Variants in EML5 observed in about 807,000 individuals in gnomAD.
The protein encoded by EML5 is echinoderm microtubule-associated protein-like 5.
A neutral mutation model predicts 250.0 loss-of-function variants in EML5; 120 were observed. The ratio of observed to expected loss-of-function variants is 0.48; its 90% CI spans 0.41 to 0.56. The LOEUF is 0.56. Among genes scored for constraint, EML5 ranks in the 20% least tolerant of loss-of-function variants. The probability of loss-of-function intolerance (pLI) is 0.00; values close to 1 mark genes in which losing one functional copy is unlikely to be tolerated. For synonymous variants in EML5, 771 were observed against 806.5 expected, an observed-to-expected ratio of 0.96 and a Z score of 0.75; for missense variants, 2,006 against 2,437.6, an observed-to-expected ratio of 0.82 and a Z score of 3.73.
At chr14:88,774,978 C>T (rs1052214462) in intron 1 of EML5, among the ~76,000 whole-genome samples, 3 of 152,148 alleles carry the variant, frequency 2.0e-5, no homozygotes, top group African/African-American at 7.2e-5. Flanking sequence ...TGTTTCAGGC[C>T]CTAGCTACCA....
intron 21 of EML5, among the ~76,000 whole-genome samples, chr14:88,671,484 C>T (rs1269642374): frequency 6.6e-6 from 1 of 152,148 alleles, no homozygotes; most frequent in African/African-American, 2.4e-5. Context: ...TACTACGAAG[C>T]AACTACATTA....
At chr14:88,765,455 C>T (rs989944565) in intron 1 of EML5, among the ~76,000 whole-genome samples, 7 of 152,176 alleles carry the variant, frequency 4.6e-5, no homozygotes, top group Non-Finnish European at 1.0e-4. Flanking sequence ...TTCCAATCAG[C>T]AACGGCACAT....
At chr14:88,736,267 G>C in intron 7 of EML5, 97 bp downstream of exon 7, 1 of 1,390,748 alleles carries the variant, frequency 7.2e-7, no homozygotes, top group Non-Finnish European at 1.0e-6. Flanking sequence ...CCAAAGTGCT[G>C]GGATTACGGG....
At chr14:88,734,280 A>C (rs1227676301) in intron 7 of EML5, among the ~76,000 whole-genome samples, 1 of 152,138 alleles carries the variant, frequency 6.6e-6, no homozygotes, top group Non-Finnish European at 1.5e-5. Context: ...ATGAGAAGAA[A>C]TTCTCTTTAT....
intron 18 of EML5, 23 bp downstream of exon 18, chr14:88,688,248 T>C: frequency 6.2e-7 from 1 of 1,613,210 alleles, no homozygotes; most frequent in African/African-American, 1.3e-5. Context: ...TTGTTTAATT[T>C]AAAATCTCTT....
intron 1 of EML5, among the ~76,000 whole-genome samples, chr14:88,778,737 C>T (rs2094470199): frequency 6.6e-6 from 1 of 152,214 alleles, no homozygotes; most frequent in Non-Finnish European, 1.5e-5. Context: ...CAAGAATGCG[C>T]CACTGCACTC....
chr14:88,769,951 A>G (rs2094370162), intron 1 of EML5, among the ~76,000 whole-genome samples: 1 of 151,178 alleles, frequency 6.6e-6, no homozygotes, highest in Non-Finnish European at 1.5e-5. Flanking sequence ...TAACTAGATT[A>G]CAGCATTATG....
intron 10 of EML5, 74 bp downstream of exon 10, chr14:88,712,197 A>T (rs1327040436): frequency 1.2e-5 from 12 of 1,028,762 alleles, no homozygotes; most frequent in Non-Finnish European, 1.7e-5. Flanking sequence ...CTTTATCTCA[A>T]GACTAATTTT....
At chr14:88,792,946 GCGAGCCGAGCCGAGC>G (rs760126982) in exon 1 of EML5, among the ~76,000 whole-genome samples, 4 of 151,534 alleles carry the variant, frequency 2.6e-5, no homozygotes, top group East Asian at 2.0e-4. The surrounding 1 kb of genome is among the most constrained non-coding windows in gnomAD (Gnocchi z 6.9). Context: ...CCGAAACCGA[GCGAGCCGAGCCGAGC>G]CGAGCCGAGC....
At chr14:88,728,712 C>T (rs2093705831) in intron 7 of EML5, among the ~76,000 whole-genome samples, 2 of 151,992 alleles carry the variant, frequency 1.3e-5, no homozygotes. Flanking sequence ...CAGTTCAAAC[C>T]TGTGTTGTTC....
rs763534041 is a variant in EML5 at position 88,712,307 on chromosome 14, T to C, written c.1621A>G (p.Ile541Val). 6.2e-7 allele frequency: 1 copy of C among 1,612,106 alleles called. No homozygotes were observed. The highest frequency in any genetic ancestry group is 1.1e-5 in the South Asian group (1 of 91,026). Residue 541 changes from isoleucine to valine, a missense_variant, in exon 10 of 44, where the codon ATT becomes GTT. Physicochemically the swap from Ile to Val is conservative, Grantham distance 29. Coordinates refer to ENST00000554922, the MANE Select transcript of EML5 (RefSeq NM_183387.3). ...QVLVTADDYG[I>V]IKLFRYPCLR... Reference sequence around the variant, plus strand: ...CATGGATATCGGAATAATTTTATAATTCCATAGTCATCAGCTGTAACTAAA... The same window carrying C: ...CATGGATATCGGAATAATTTTATAACTCCATAGTCATCAGCTGTAACTAAA...
At position 88,773,448 on chromosome 14, in the gene EML5, C is replaced by T. The variant is rs561923319; in HGVS notation, c.198-18777G>A. On this transcript the variant is annotated intron_variant, in intron 1 of 43. Transcript: ENST00000554922. ...TATTTAAGGAGGTCCCAGTACTTAC[C>T]CACATTGTCATATAACGCATAATAG... Among the ~76,000 whole-genome samples the T allele has an allele frequency of 2.0e-5, 3 of 152,250 alleles. 1 individual carries two copies. The highest frequency in any genetic ancestry group is 1.9e-4 in the East Asian group (1 of 5,176).
At chr14:88,703,212 A>G (rs995025355) in intron 13 of EML5, among the ~76,000 whole-genome samples, 4 of 152,246 alleles carry the variant, frequency 2.6e-5, no homozygotes, top group Middle Eastern at 3.2e-3. Context: ...AAAATTGTAT[A>G]CTATAAAACA....
At chr14:88,751,109 A>C (rs1278194286) in intron 2 of EML5, among the ~76,000 whole-genome samples, 1 of 152,234 alleles carries the variant, frequency 6.6e-6, no homozygotes, top group Non-Finnish European at 1.5e-5. Context: ...CTTTCTCTGT[A>C]GGCTTGATAA....
intron 36 of EML5, chr14:88,624,729 G>T: frequency 2.2e-6 from 1 of 460,794 alleles, no homozygotes; most frequent in Non-Finnish European, 3.9e-6. Context: ...CAACTTGTAG[G>T]ACAACTACCT....
chr14:88,622,520 A>G, intron 37 of EML5, 84 bp downstream of exon 37: 1 of 1,094,922 alleles, frequency 9.1e-7, no homozygotes, highest in Non-Finnish European at 1.3e-6. Context: ...AGTATTGTTC[A>G]TTAGGCTGCA....
chr14:88,699,956 A>G (rs1262026301), intron 14 of EML5, among the ~76,000 whole-genome samples: 1 of 152,136 alleles, frequency 6.6e-6, no homozygotes. Flanking sequence ...ATATCTATAT[A>G]TACACACACA....
At chr14:88,630,755 T>A (rs1456349555) in intron 33 of EML5, among the ~76,000 whole-genome samples, 1 of 152,180 alleles carries the variant, frequency 6.6e-6, no homozygotes. Context: ...CTGAAAAGGA[T>A]TTTTTTGCTT....
intron 9 of EML5, among the ~76,000 whole-genome samples, chr14:88,712,939 A>G (rs746838186): frequency 8.5e-5 from 13 of 152,186 alleles, no homozygotes; most frequent in Non-Finnish European, 1.5e-4. Context: ...ATATATTTAC[A>G]TTAGGTAAGA....
Sources: gnomAD v4.1 joint callset for allele counts (sites outside exome capture counted in the v4.1 genomes callset) on GRCh38, gnomAD v4.1.1 for gene constraint, Gnocchi (gnomAD v3.1) non-coding constraint, MANE v1.5 for transcripts, NCBI Gene and HGNC (gene_info 2026-07-23, HGNC 2026-07-21) for gene names.